USH2A: variants seen among roughly 807,000 people sequenced by gnomAD.
The protein encoded by USH2A is Usher syndrome 2A (autosomal recessive, mild).
USH2A carries 443 observed loss-of-function variants against 538.9 expected under a neutral mutation model. The observed-to-expected ratio is 0.82, with a 90% CI of 0.76 to 0.89. The LOEUF is 0.89. Among genes scored for constraint, USH2A ranks in the 40% least tolerant of loss-of-function variants. USH2A has a pLI of 0.00. For synonymous variants in USH2A, 2,413 were observed against 2,273.5 expected (o/e 1.06, Z -1.75); for missense variants, 6,633 against 6,324.8 (o/e 1.05, Z -1.65).
intron 35 of USH2A, among the ~76,000 whole-genome samples, chr1:215,983,007 A>G (rs1405698027): frequency 6.6e-6 from 1 of 152,068 alleles, no homozygotes. Flanking sequence ...CTGGAGTGCA[A>G]TGGCACACTC....
intron 52 of USH2A, among the ~76,000 whole-genome samples, 179 bp downstream of exon 52, chr1:215,786,491 A>T (rs553862398): frequency 6.6e-6 from 1 of 152,346 alleles, no homozygotes; most frequent in South Asian, 2.1e-4. Context: ...TAAAGTACTG[A>T]CTTTGAATAC....
intron 21 of USH2A, 95 bp from the exon 22 acceptor site, chr1:216,097,308 G>C: frequency 6.3e-7 from 1 of 1,598,306 alleles, no homozygotes; most frequent in Non-Finnish European, 8.6e-7. Flanking sequence ...TTATGATGTA[G>C]TGAGTACAGT....
At chr1:216,014,170 A>G (rs1351567331) in intron 32 of USH2A, among the ~76,000 whole-genome samples, 2 of 152,126 alleles carry the variant, frequency 1.3e-5, no homozygotes, top group African/African-American at 4.8e-5. Flanking sequence ...TCTTGGTAAA[A>G]CAGGAGGAAA....
At chr1:216,267,902 T>C (rs1254973858) in intron 11 of USH2A, among the ~76,000 whole-genome samples, 2 of 152,146 alleles carry the variant, frequency 1.3e-5, no homozygotes, top group Non-Finnish European at 2.9e-5. Flanking sequence ...TTTTGAGTAA[T>C]TGAATCTTTG....
intron 32 of USH2A, among the ~76,000 whole-genome samples, chr1:216,006,646 C>T (rs987227387): frequency 1.9e-4 from 29 of 152,172 alleles, no homozygotes; most frequent in Middle Eastern, 3.4e-3. Context: ...TTATGTTGTT[C>T]CTTTGTGACT....
At chr1:216,276,179 C>A (rs745801902) in intron 11 of USH2A, among the ~76,000 whole-genome samples, 1 of 152,170 alleles carries the variant, frequency 6.6e-6, no homozygotes, top group Non-Finnish European at 1.5e-5. Flanking sequence ...AACTGCTTTA[C>A]CAGCTTTGGT....
chr1:215,719,593 C>G (rs746118687), intron 61 of USH2A, among the ~76,000 whole-genome samples: 2 of 152,140 alleles, frequency 1.3e-5, no homozygotes, highest in South Asian at 2.1e-4. Context: ...AAACCAGAAC[C>G]TTATCTACAT....
chr1:216,245,101 C>T (rs2036010776), intron 13 of USH2A, among the ~76,000 whole-genome samples: 1 of 151,990 alleles, frequency 6.6e-6, no homozygotes, highest in Non-Finnish European at 1.5e-5. Context: ...TAATTGATTG[C>T]AAATTTGAAA....
intron 3 of USH2A, among the ~76,000 whole-genome samples, chr1:216,413,371 T>G (rs928385272): frequency 2.0e-5 from 3 of 152,088 alleles, no homozygotes; most frequent in African/African-American, 7.2e-5. Context: ...CATGGATGTT[T>G]TATGTTCCCT....
intron 48 of USH2A, among the ~76,000 whole-genome samples, chr1:215,814,924 C>T (rs1005802010): frequency 3.3e-5 from 5 of 152,118 alleles, no homozygotes; most frequent in South Asian, 2.1e-4. Context: ...CCAGGTCTTA[C>T]GTTCACTGGG....
chr1:216,146,738 G>A (rs918042299), intron 21 of USH2A, among the ~76,000 whole-genome samples: 16 of 152,026 alleles, frequency 1.1e-4, no homozygotes, highest in African/African-American at 3.9e-4. Flanking sequence ...TGGAGGGCAA[G>A]AACCCCACTC....
At chr1:215,849,136 G>A (rs1008308401) in intron 44 of USH2A, among the ~76,000 whole-genome samples, 1 of 152,082 alleles carries the variant, frequency 6.6e-6, no homozygotes, top group East Asian at 1.9e-4. Context: ...TAAGTTACAA[G>A]GCTTCTTCCT....
At chr1:216,362,802 G>A (rs907305722) in intron 4 of USH2A, among the ~76,000 whole-genome samples, 9 of 151,660 alleles carry the variant, frequency 5.9e-5, no homozygotes, top group Non-Finnish European at 1.5e-5. Flanking sequence ...AGTTAGGCGT[G>A]GTGGTGCACA....
chr1:215,940,330 G>C (rs1165378967), intron 37 of USH2A, among the ~76,000 whole-genome samples: 2 of 152,106 alleles, frequency 1.3e-5, no homozygotes, highest in Non-Finnish European at 1.5e-5. Context: ...ACTGAATTGT[G>C]ATCAAGGTAA....
At chr1:216,271,687 C>T (rs59175279) in intron 11 of USH2A, among the ~76,000 whole-genome samples, 2,921 of 152,014 alleles carry the variant, frequency 0.019, 93 homozygotes, top group African/African-American at 0.064. Flanking sequence ...AGGAAGTTCT[C>T]TTGTATTCCT....
At position 216,246,602 on chromosome 1, in the gene USH2A, C is replaced by T. The variant is rs145383772; in HGVS notation, c.2792G>A (p.Cys931Tyr). ...LCVPNRQGRR[C>Y]NQCQPGFYIS... ...TTTCTTACCTGGTTGACACTGATTA[C>T]ACCTTCTTCCTTGACGATTAGGCAC... The change falls in exon 13 of 72, where the codon TGT (cysteine) becomes TAT (tyrosine). Residue 931 changes from cysteine to tyrosine, a missense_variant. By Grantham distance (194) the Cys-to-Tyr change is radical (BLOSUM62 -2). Transcript: ENST00000307340. 3.6e-5 allele frequency: 58 copies of T among 1,614,046 alleles called. No homozygotes were observed. The highest frequency in any genetic ancestry group is 3.3e-4 in the East Asian group (15 of 44,866).
chr1:216,313,637 G>A (rs546343283), intron 9 of USH2A, among the ~76,000 whole-genome samples: 1 of 151,880 alleles, frequency 6.6e-6, no homozygotes, highest in South Asian at 2.1e-4. Context: ...TTCACACCAG[G>A]CCTATTTTCT....
At chr1:216,304,021 T>C (rs1371941557) in intron 9 of USH2A, among the ~76,000 whole-genome samples, 1 of 152,000 alleles carries the variant, frequency 6.6e-6, no homozygotes, top group African/African-American at 2.4e-5. Context: ...AGGTGATACA[T>C]TCCTGATAGA....
At position 215,671,149 on chromosome 1, in the gene USH2A, A is replaced by T. The variant is rs1657801625; in HGVS notation, c.13956T>A (p.Thr4652=). 6.2e-7 allele frequency: 1 copy of T among 1,614,018 alleles called. No individual in the cohort carries two copies. Among genetic ancestry groups the T allele is most frequent in the Non-Finnish European group, 8.5e-7 (1 of 1,180,032 alleles). ...GCGGTCCTGTCCACAAAAGAGAAAC[A>T]GTTGGCTGGAATCCTCCTGGAGCCA... ...VQMAPGGFQP[T]VSLLWTGPLQ... The change falls in exon 64 of 72, where the codon ACT becomes ACA. Residue 4652 remains threonine (T), a synonymous_variant. Transcript: ENST00000307340.
Sources: allele counts gnomAD v4.1 joint callset (sites outside exome capture counted in the v4.1 genomes callset), GRCh38; gene constraint gnomAD v4.1.1; transcripts MANE v1.5; gene names NCBI Gene and HGNC (gene_info 2026-07-23, HGNC 2026-07-21).